PTPRD: variants seen among roughly 807,000 people sequenced by gnomAD.
The protein encoded by PTPRD is receptor-type tyrosine-protein phosphatase delta.
PTPRD carries 34 observed loss-of-function variants against 214.5 expected under a neutral mutation model. The ratio of observed to expected loss-of-function variants is 0.16; its 90% CI spans 0.12 to 0.21. The LOEUF (loss-of-function observed/expected upper bound fraction) is 0.21, where lower values mean the gene tolerates loss of function less well. Among genes scored for constraint, PTPRD ranks in the 10% least tolerant of loss-of-function variants. The pLI is 1.00. For synonymous variants in PTPRD, 1,128 were observed against 845.7 expected, an observed-to-expected ratio of 1.33 and a Z score of -5.79; for missense variants, 2,545 against 2,398.7, an observed-to-expected ratio of 1.06 and a Z score of -1.27.
chr9:8,998,042 G>A (rs561543658), intron 11 of PTPRD, among the ~76,000 whole-genome samples: 1 of 152,090 alleles, frequency 6.6e-6, no homozygotes, highest in South Asian at 2.1e-4. Context: ...TGGTTCATGA[G>A]TTTTAAAAAA....
chr9:9,880,027 C>A (rs6477425), intron 5 of PTPRD, among the ~76,000 whole-genome samples: 2 of 151,898 alleles, frequency 1.3e-5, no homozygotes, highest in African/African-American at 4.8e-5. Context: ...ATCTCTAACT[C>A]TAATCCCCAC....
chr9:9,971,304 G>A (rs551861052), intron 4 of PTPRD, among the ~76,000 whole-genome samples: 2 of 152,278 alleles, frequency 1.3e-5, no homozygotes, highest in East Asian at 1.9e-4. Flanking sequence ...AAATTCACTA[G>A]GTCTGGAGTA....
chr9:9,742,009 T>C (rs2098408598), intron 6 of PTPRD, among the ~76,000 whole-genome samples: 1 of 152,230 alleles, frequency 6.6e-6, no homozygotes, highest in Non-Finnish European at 1.5e-5. Context: ...TTTCCGGTTC[T>C]AGATCTTTGA....
At chr9:10,500,074 C>T (rs1050511114) in intron 2 of PTPRD, among the ~76,000 whole-genome samples, 1 of 151,620 alleles carries the variant, frequency 6.6e-6, no homozygotes, top group African/African-American at 2.4e-5. Context: ...TATTTTAAAT[C>T]ATCAAATATA....
chr9:10,210,796 CAT>C (rs35136618), intron 3 of PTPRD, among the ~76,000 whole-genome samples: 47 of 76,738 alleles, frequency 6.1e-4, no homozygotes, highest in African/African-American at 1.9e-3. Flanking sequence ...CAAAAAACTT[CAT>C]ATATATATAT....
chr9:10,524,678 C>A (rs1222926507), intron 2 of PTPRD, among the ~76,000 whole-genome samples: 57 of 152,160 alleles, frequency 3.7e-4, no homozygotes, highest in Non-Finnish European at 1.3e-4. Flanking sequence ...TTGCAGCAGT[C>A]AACCATTTTT....
chr9:9,203,153 C>T, intron 9 of PTPRD, among the ~76,000 whole-genome samples: 1 of 152,020 alleles, frequency 6.6e-6, no homozygotes, highest in African/African-American at 2.4e-5. Context: ...TCACTTGAAC[C>T]TGGGAGGCGG....
intron 12 of PTPRD, among the ~76,000 whole-genome samples, chr9:8,722,286 A>G (rs1478059583): frequency 1.3e-5 from 2 of 151,998 alleles, no homozygotes; most frequent in Non-Finnish European, 2.9e-5. Flanking sequence ...GAATTCTCCT[A>G]CCTATTCTCA....
At chr9:9,378,200 G>T (rs191074153) in intron 9 of PTPRD, among the ~76,000 whole-genome samples, 1 of 152,164 alleles carries the variant, frequency 6.6e-6, no homozygotes, top group African/African-American at 2.4e-5. Context: ...AATCCACACT[G>T]CAACCCCTGG....
At chr9:9,247,703 C>T (rs1284135492) in intron 9 of PTPRD, among the ~76,000 whole-genome samples, 4 of 152,190 alleles carry the variant, frequency 2.6e-5, no homozygotes, top group East Asian at 1.9e-4. Flanking sequence ...AGGGAGTCAC[C>T]TCTTCTGACC....
intron 5 of PTPRD, among the ~76,000 whole-genome samples, chr9:9,823,714 A>G (rs1156249820): frequency 6.6e-6 from 1 of 152,074 alleles, no homozygotes; most frequent in Non-Finnish European, 1.5e-5. Flanking sequence ...AATAATGACT[A>G]CCAGAGGCTA....
intron 8 of PTPRD, among the ~76,000 whole-genome samples, chr9:9,470,506 AT>A (rs1246158814): frequency 6.6e-6 from 1 of 152,212 alleles, no homozygotes; most frequent in African/African-American, 2.4e-5. Context: ...GAAAAATAGA[AT>A]TTTAGTCAAC....
intron 2 of PTPRD, among the ~76,000 whole-genome samples, chr9:10,383,845 C>A (rs777119148): frequency 4.0e-5 from 6 of 151,738 alleles, no homozygotes; most frequent in Non-Finnish European, 7.4e-5. Flanking sequence ...TAGCTGATAT[C>A]ATTTGGAAAT....
At chr9:9,485,902 C>CA (rs2095609054) in intron 8 of PTPRD, among the ~76,000 whole-genome samples, 3 of 151,956 alleles carry the variant, frequency 2.0e-5, no homozygotes, top group Admixed American at 1.3e-4. Context: ...CCTGTAATCC[C>CA]AGCACTTTGG....
chr9:9,033,796 T>G (rs1422801808), intron 10 of PTPRD, among the ~76,000 whole-genome samples: 2 of 152,054 alleles, frequency 1.3e-5, no homozygotes, highest in Non-Finnish European at 2.9e-5. Context: ...ACACCATGAC[T>G]TTTTGCTGTT....
At chr9:8,869,724 C>T (rs1164689726) in intron 11 of PTPRD, among the ~76,000 whole-genome samples, 1 of 137,320 alleles carries the variant, frequency 7.3e-6, no homozygotes, top group South Asian at 2.7e-4. Flanking sequence ...TTCTGTACTT[C>T]TTAAAAGGAA....
intron 4 of PTPRD, among the ~76,000 whole-genome samples, chr9:9,951,429 T>C (rs1334440001): frequency 1.3e-5 from 2 of 152,200 alleles, no homozygotes; most frequent in Non-Finnish European, 2.9e-5. Flanking sequence ...CTATGGCTCT[T>C]ATTGAAAAAA....
chr9:9,083,913 G>C (rs959373861), intron 10 of PTPRD, among the ~76,000 whole-genome samples: 2 of 152,172 alleles, frequency 1.3e-5, no homozygotes, highest in Non-Finnish European at 2.9e-5. Context: ...ACAGATGCTA[G>C]AGAGGATGTG....
At chr9:9,303,046 A>G (rs973832363) in intron 9 of PTPRD, among the ~76,000 whole-genome samples, 1 of 151,920 alleles carries the variant, frequency 6.6e-6, no homozygotes, top group African/African-American at 2.4e-5. Flanking sequence ...ATAAGAGAAG[A>G]CCTTTTCTTT....
Sources: allele counts gnomAD v4.1 joint callset (sites outside exome capture counted in the v4.1 genomes callset), GRCh38; gene constraint gnomAD v4.1.1; transcripts MANE v1.5; gene names NCBI Gene and HGNC (gene_info 2026-07-23, HGNC 2026-07-21).